Variants in PPP4R1 observed in about 807,000 individuals in gnomAD.
PPP4R1 encodes the protein serine/threonine-protein phosphatase 4 regulatory subunit 1.
Under a neutral mutation model 111.2 loss-of-function variants are expected in PPP4R1, and 42 were observed. The ratio of observed to expected loss-of-function variants is 0.38; its 90% CI spans 0.29 to 0.49. PPP4R1 has a LOEUF of 0.49. PPP4R1 is among the 20% of genes least tolerant of loss of function. The probability of loss-of-function intolerance (pLI) is 0.97; values close to 1 mark genes in which losing one functional copy is unlikely to be tolerated. For missense variants in PPP4R1, 1,012 were observed against 1,161.6 expected (o/e 0.87, Z 1.87); for synonymous variants, 409 against 405.5 (o/e 1.01, Z -0.10).
At chr18:9,569,218 C>T (rs527964487) in intron 11 of PPP4R1, among the ~76,000 whole-genome samples, 188 of 147,894 alleles carry the variant, frequency 1.3e-3, no homozygotes, top group African/African-American at 4.5e-3. Flanking sequence ...AAGAAGAAAA[C>T]CGGAGTCATT....
At chr18:9,610,051 A>C (rs772944178) in intron 2 of PPP4R1, among the ~76,000 whole-genome samples, 1 of 152,236 alleles carries the variant, frequency 6.6e-6, no homozygotes, top group African/African-American at 2.4e-5. Flanking sequence ...TAAAAATAAC[A>C]TTCTTCAACA....
intron 15 of PPP4R1, among the ~76,000 whole-genome samples, chr18:9,556,340 C>T (rs565237730): frequency 6.6e-6 from 1 of 151,542 alleles, no homozygotes; most frequent in Non-Finnish European, 1.5e-5. Context: ...CTACAGGTGC[C>T]TACCACCACG....
At position 9,584,597 on chromosome 18, in the gene PPP4R1, C is replaced by T; in HGVS notation, c.694-17G>A. 6.2e-7 allele frequency: 1 copy of T among 1,609,624 alleles called. No homozygotes were observed. The highest frequency in any genetic ancestry group is 1.1e-5 in the South Asian group (1 of 90,316). On this transcript the variant is annotated splice_polypyrimidine_tract_variant and intron_variant, in intron 7 of 19. Transcript: ENST00000400556. ...AGCACAGACCTGACAACAAAAGCAT[C>T]ATTGACATTTCAAAATATTACACAT...
rs2066460525 is a variant in PPP4R1, at chr18:9,549,858, G to A, written c.2547+194C>T. The A allele has an allele frequency of 5.4e-6, 4 of 744,718 alleles. No homozygotes were observed. In the Admixed American group the frequency reaches 8.8e-5, roughly 16 times the overall value. 46.1% of individuals were successfully genotyped at this position (744,718 alleles called of 1,614,324 possible). On this transcript the variant is annotated intron_variant, in intron 18 of 19. Coordinates refer to ENST00000400556, the MANE Select transcript of PPP4R1 (RefSeq NM_001042388.3). ...TGTGTGGTGCATGCCAGTGTAAGGA[G>A]GGGCTTGGCTAGCTGGGAGAGAGGG...
intron 11 of PPP4R1, among the ~76,000 whole-genome samples, chr18:9,564,202 G>T (rs186823184): frequency 1.3e-3 from 205 of 152,256 alleles, no homozygotes; most frequent in African/African-American, 4.8e-3. Context: ...ACTTACAAAG[G>T]TGATTCAAAA....
intron 2 of PPP4R1, among the ~76,000 whole-genome samples, chr18:9,597,069 G>C (rs1216184657): frequency 6.6e-6 from 1 of 151,948 alleles, no homozygotes; most frequent in African/African-American, 2.4e-5. Context: ...GGAGGTCGAG[G>C]GTGTACTCTT....
chr18:9,577,476 G>T (rs1043193517), intron 9 of PPP4R1, among the ~76,000 whole-genome samples: 7 of 152,146 alleles, frequency 4.6e-5, no homozygotes, highest in African/African-American at 1.7e-4. Context: ...ACCAGCCTGG[G>T]CAACATGGCG....
Position 9,577,102 on chromosome 18 carries a change from G to GA in PPP4R1, c.1007_1008insT (p.Lys337GlnfsTer13). On this transcript the variant is annotated frameshift_variant, in exon 10 of 20. Coordinates refer to ENST00000400556, the MANE Select transcript of PPP4R1 (RefSeq NM_001042388.3). LOFTEE classifies it high-confidence loss of function. ...CTACTGACATCTCTTCTGAACTTTT[G>GA]CTTTCTTCTTTAAAATACTGGCCTG... The GA allele has an allele frequency of 6.3e-7, 1 of 1,595,644 alleles. No homozygotes were observed. The highest frequency in any genetic ancestry group is 8.6e-7 in the Non-Finnish European group (1 of 1,169,038).
intron 2 of PPP4R1, among the ~76,000 whole-genome samples, chr18:9,605,513 C>A (rs1176044365): frequency 7.0e-6 from 1 of 142,236 alleles, no homozygotes; most frequent in Non-Finnish European, 1.5e-5. Flanking sequence ...ATCAGGTGCT[C>A]CTTAATCTGA....
At chr18:9,549,809 C>G (rs2066459763) in intron 18 of PPP4R1, 4 of 590,104 alleles carry the variant, frequency 6.8e-6, no homozygotes, top group Non-Finnish European at 1.2e-5. Flanking sequence ...GTGGAACAAG[C>G]ACATACAGCA....
At chr18:9,565,904 C>T (rs1158626804) in intron 11 of PPP4R1, among the ~76,000 whole-genome samples, 2 of 152,088 alleles carry the variant, frequency 1.3e-5, no homozygotes, top group African/African-American at 4.8e-5. Context: ...GGTAGCTACA[C>T]CAAACAACAA....
chr18:9,566,686 C>CACAA (rs1568096475), intron 11 of PPP4R1, among the ~76,000 whole-genome samples: 1 of 141,960 alleles, frequency 7.0e-6, no homozygotes, highest in African/African-American at 2.7e-5. Context: ...CACACACACA[C>CACAA]ACACACGTTA....
At chr18:9,593,313 A>G (rs75142473) in intron 4 of PPP4R1, among the ~76,000 whole-genome samples, 7,375 of 152,210 alleles carry the variant, frequency 0.048, 467 homozygotes, top group African/African-American at 0.14. Context: ...CCTCTTTCTT[A>G]AGCAGACTTT....
intron 2 of PPP4R1, among the ~76,000 whole-genome samples, chr18:9,607,368 A>C (rs886793517): frequency 1.1e-4 from 17 of 152,140 alleles, no homozygotes; most frequent in Non-Finnish European, 1.0e-4. Flanking sequence ...CTCAAAAAAA[A>C]AAAAACAAAA....
chr18:9,559,044 A>T (rs1448834083), intron 14 of PPP4R1, among the ~76,000 whole-genome samples: 1 of 152,220 alleles, frequency 6.6e-6, no homozygotes, highest in Non-Finnish European at 1.5e-5. Context: ...GTTTCAACAA[A>T]TATTTTCAGA....
At chr18:9,562,787 T>C (rs78388840) in intron 12 of PPP4R1, 28,457 of 846,112 alleles carry the variant, frequency 0.034, 508 homozygotes, top group African/African-American at 0.036. Flanking sequence ...CTTCTCCCCA[T>C]TTGTATAAAC....
Position 9,547,497 on chromosome 18 carries a change from T to G in PPP4R1, c.*292A>C. ...TTCCATAAGGAAAATGCTCTGCCAA[T>G]TCAAGTTTCATTCAGTCAGGAAGAC... On this transcript the variant is annotated 3_prime_UTR_variant, in exon 20 of 20. Transcript: ENST00000400556. The G allele has an allele frequency of 3.8e-6, 1 of 265,392 alleles. No individual in the cohort carries two copies. Among genetic ancestry groups the G allele is most frequent in the Non-Finnish European group, 7.2e-6 (1 of 138,596 alleles). The allele number at this position is 265,392 out of a possible 1,614,324, so 16.4% of individuals were successfully genotyped here. A position where few individuals can be genotyped will look rare whatever the true frequency, so the allele number is the denominator to read the frequency against.
intron 4 of PPP4R1, among the ~76,000 whole-genome samples, chr18:9,590,416 C>A (rs554060871): frequency 6.6e-6 from 1 of 152,210 alleles, no homozygotes. Context: ...AACATACAGG[C>A]CTCTGCTTTT....
intron 12 of PPP4R1, 125 bp downstream of exon 12, chr18:9,563,250 CGAA>C: frequency 7.8e-7 from 1 of 1,282,810 alleles, no homozygotes; most frequent in East Asian, 2.5e-5. Flanking sequence ...TTATGCAAAA[CGAA>C]GAGCTAAAAA....
Sources: allele counts gnomAD v4.1 joint callset (sites outside exome capture counted in the v4.1 genomes callset), GRCh38; gene constraint gnomAD v4.1.1; transcripts MANE v1.5; gene names NCBI Gene and HGNC (gene_info 2026-07-23, HGNC 2026-07-21).